The following MACROD2 variants were observed in gnomAD, a reference collection of about 807,000 sequenced individuals.
The protein encoded by MACROD2 is mono-ADP ribosylhydrolase 2.
In MACROD2, 36 loss-of-function variants were observed where a neutral mutation model predicts 70.4. The observed-to-expected ratio is 0.51, with a 90% CI of 0.39 to 0.68. MACROD2 has a LOEUF of 0.68. Among genes scored for constraint, MACROD2 ranks in the 30% least tolerant of loss-of-function variants. The pLI is 0.00. For missense variants in MACROD2, 496 were observed against 538.4 expected, an observed-to-expected ratio of 0.92 and a Z score of 0.78; for synonymous variants, 172 against 178.8, an observed-to-expected ratio of 0.96 and a Z score of 0.30.
chr20:14,549,190 A>G (rs2123255676), intron 4 of MACROD2, among the ~76,000 whole-genome samples: 1 of 152,308 alleles, frequency 6.6e-6, no homozygotes, highest in African/African-American at 2.4e-5. Flanking sequence ...CACTCAATTT[A>G]TTGGTGGTAT....
chr20:15,301,599 T>TTTTTTTC (rs1416511478), intron 6 of MACROD2, among the ~76,000 whole-genome samples: 2 of 141,270 alleles, frequency 1.4e-5, no homozygotes, highest in African/African-American at 5.3e-5. Flanking sequence ...GCCTTTTTTT[T>TTTTTTTC]TTTTTTTTTT....
At chr20:15,818,601 A>G (rs539175786) in intron 8 of MACROD2, among the ~76,000 whole-genome samples, 30 of 152,278 alleles carry the variant, frequency 2.0e-4, no homozygotes, top group Non-Finnish European at 2.9e-5. Context: ...TATGACCCCT[A>G]TCTTGTGCTG....
intron 6 of MACROD2, among the ~76,000 whole-genome samples, chr20:15,252,340 T>C (rs542208310): frequency 6.6e-5 from 10 of 152,206 alleles, no homozygotes; most frequent in Non-Finnish European, 1.2e-4. Flanking sequence ...AAGTGGCAAG[T>C]GATCTCAACA....
chr20:15,143,204 C>T (rs2076205425), intron 5 of MACROD2, among the ~76,000 whole-genome samples: 1 of 152,174 alleles, frequency 6.6e-6, no homozygotes, highest in African/African-American at 2.4e-5. Context: ...GATTGCCATT[C>T]TAACTGGTGT....
chr20:15,067,894 G>A (rs1448682800), intron 5 of MACROD2, among the ~76,000 whole-genome samples: 1 of 152,126 alleles, frequency 6.6e-6, no homozygotes, highest in African/African-American at 2.4e-5. Flanking sequence ...CTTGCCCAGA[G>A]AATTTCAGTT....
chr20:15,844,149 C>T (rs1217875767), intron 8 of MACROD2, among the ~76,000 whole-genome samples: 1 of 151,860 alleles, frequency 6.6e-6, no homozygotes, highest in African/African-American at 2.4e-5. Context: ...CTGCTGTTGC[C>T]AATAAAGGGA....
intron 7 of MACROD2, among the ~76,000 whole-genome samples, chr20:15,463,258 C>G (rs1443699212): frequency 6.6e-6 from 1 of 152,118 alleles, no homozygotes; most frequent in Non-Finnish European, 1.5e-5. Flanking sequence ...ATTCTGAGAG[C>G]TAGTTTGGGT....
At chr20:15,473,065 C>T (rs1186241670) in intron 7 of MACROD2, among the ~76,000 whole-genome samples, 1 of 152,146 alleles carries the variant, frequency 6.6e-6, no homozygotes, top group Admixed American at 6.5e-5. Context: ...AACTTTTGAG[C>T]CCCTCCACCC....
chr20:15,824,486 T>C (rs1036881288), intron 8 of MACROD2, among the ~76,000 whole-genome samples: 2 of 152,168 alleles, frequency 1.3e-5, no homozygotes, highest in Non-Finnish European at 2.9e-5. Context: ...ATTATGTGTT[T>C]AGAAGGCGGG....
In MACROD2 at chr20:14,857,142, A is replaced by T. The variant is rs935712673; in HGVS notation, c.418+172183A>T. Among the ~76,000 whole-genome samples, 5 of 152,132 alleles carry T rather than the reference A, an allele frequency of 3.3e-5. No homozygotes were observed. In the South Asian group the frequency reaches 1.0e-3, roughly 32 times the overall value. On this transcript the variant is annotated intron_variant, in intron 5 of 17. Transcript: ENST00000684519. ...TCTCCTCTGCTCCCCAATCCCATAA[A>T]CCGTTATCCCTATTCTCTCTCTGTT... is the stretch of plus-strand genomic sequence containing the variant.
chr20:15,853,769 C>T (rs2064326280), intron 8 of MACROD2, among the ~76,000 whole-genome samples: 1 of 152,166 alleles, frequency 6.6e-6, no homozygotes, highest in Non-Finnish European at 1.5e-5. Context: ...TGATTTTAGC[C>T]TGTAACACCC....
intron 5 of MACROD2, among the ~76,000 whole-genome samples, chr20:14,885,807 G>T (rs1026371678): frequency 2.0e-5 from 3 of 151,998 alleles, no homozygotes; most frequent in South Asian, 4.2e-4. Flanking sequence ...TAATTCAGTC[G>T]CATTCTTTAG....
rs535155586 is a variant in MACROD2 at position 14,250,787 on chromosome 20, A to G, written c.271+165059A>G. ...AATGACAATAATAATAATAATGTCA[A>G]CCTTTTTGCCAAAGAATTATTTGAA... On this transcript the variant is annotated intron_variant, in intron 3 of 17. Coordinates refer to ENST00000684519, the MANE Select transcript of MACROD2 (RefSeq NM_001351661.2). 2.8e-3 allele frequency among the ~76,000 whole-genome samples: 429 copies of G among 152,250 alleles called. 2 individuals carry two copies. Among genetic ancestry groups the G allele is most frequent in the African/African-American group, 9.7e-3 (403 of 41,506 alleles).
chr20:15,112,143 T>C (rs1202042013), intron 5 of MACROD2, among the ~76,000 whole-genome samples: 1 of 152,226 alleles, frequency 6.6e-6, no homozygotes, highest in Non-Finnish European at 1.5e-5. Flanking sequence ...GCTATCTTAG[T>C]CTATTCATTG....
intron 4 of MACROD2, among the ~76,000 whole-genome samples, chr20:14,530,175 G>A (rs565287296): frequency 1.1e-4 from 16 of 152,268 alleles, no homozygotes; most frequent in African/African-American, 3.9e-4. Context: ...GAAACTCAGG[G>A]AAGTGTGTTA....
At chr20:15,868,839 A>G (rs11907870) in intron 9 of MACROD2, among the ~76,000 whole-genome samples, 7,259 of 152,120 alleles carry the variant, frequency 0.048, 386 homozygotes, top group East Asian at 0.13. Flanking sequence ...CAGTAACGCA[A>G]TCATACTGAT....
At chr20:15,442,372 C>A (rs1454954024) in intron 7 of MACROD2, among the ~76,000 whole-genome samples, 1 of 152,114 alleles carries the variant, frequency 6.6e-6, no homozygotes, top group African/African-American at 2.4e-5. Flanking sequence ...TGTTTATTTA[C>A]CACTCTGCTA....
chr20:14,019,710 G>A (rs896688002), intron 2 of MACROD2, among the ~76,000 whole-genome samples: 1 of 152,148 alleles, frequency 6.6e-6, no homozygotes, highest in African/African-American at 2.4e-5. Context: ...TGAATCATGA[G>A]TCTTGGATCT....
chr20:15,345,775 C>T (rs1225065967), intron 6 of MACROD2, among the ~76,000 whole-genome samples: 10 of 152,280 alleles, frequency 6.6e-5, no homozygotes, highest in East Asian at 3.9e-4. Flanking sequence ...TGATCCACAG[C>T]GCCCCAGTGT....
Sources: allele counts gnomAD v4.1 joint callset (sites outside exome capture counted in the v4.1 genomes callset), GRCh38; gene constraint gnomAD v4.1.1; transcripts MANE v1.5; gene names NCBI Gene and HGNC (gene_info 2026-07-23, HGNC 2026-07-21).